ADCY9: variants seen among roughly 807,000 people sequenced by gnomAD.
The protein encoded by ADCY9 is adenylate cyclase 9.
Under a neutral mutation model 101.5 loss-of-function variants are expected in ADCY9, and 50 were observed. That is an observed-to-expected ratio of 0.49 (90% CI 0.39 to 0.62). The LOEUF (loss-of-function observed/expected upper bound fraction) is 0.62, where lower values mean the gene tolerates loss of function less well. Among genes scored for constraint, ADCY9 ranks in the 20% least tolerant of loss-of-function variants. The probability of loss-of-function intolerance (pLI) is 0.00; values close to 1 mark genes in which losing one functional copy is unlikely to be tolerated. For missense variants in ADCY9, 1,662 were observed against 1,800.4 expected, an observed-to-expected ratio of 0.92 and a Z score of 1.39; for synonymous variants, 905 against 769.3, an observed-to-expected ratio of 1.18 and a Z score of -2.92.
intron 2 of ADCY9, among the ~76,000 whole-genome samples, chr16:4,040,243 G>C (rs779204817): frequency 4.1e-4 from 62 of 152,238 alleles, no homozygotes; most frequent in Middle Eastern, 3.4e-3. Flanking sequence ...GAAAAATTCA[G>C]GTGTAGGGAC....
intron 8 of ADCY9, 138 bp from the exon 9 acceptor site, chr16:3,977,768 G>C: frequency 9.1e-7 from 1 of 1,095,234 alleles, no homozygotes; most frequent in Non-Finnish European, 1.3e-6. Context: ...CCAGGCTGGA[G>C]TGCAGTGGTG....
At chr16:4,071,317 G>A (rs1249198817) in intron 2 of ADCY9, among the ~76,000 whole-genome samples, 1 of 85,050 alleles carries the variant, frequency 1.2e-5, no homozygotes. Flanking sequence ...GGCAACAAAA[G>A]CGAAACTCAG....
intron 2 of ADCY9, among the ~76,000 whole-genome samples, chr16:4,056,455 T>A (rs914821205): frequency 1.3e-5 from 2 of 152,208 alleles, no homozygotes; most frequent in Admixed American, 1.3e-4. Context: ...TGTTTCACCA[T>A]GTTGGCCAGG....
intron 2 of ADCY9, among the ~76,000 whole-genome samples, chr16:4,039,960 G>A (rs1443926546): frequency 6.6e-6 from 1 of 152,118 alleles, no homozygotes; most frequent in Non-Finnish European, 1.5e-5. Context: ...GATCACCTGA[G>A]CCCAGGAGGT....
chr16:3,956,488 C>CTTTTTAGCTTTTTTTTTTTTT lies in ADCY9; in HGVS notation c.568-2973_568-2972insAAAAAAAAAAAAAGCTAAAAA, dbSNP rs2055906599. On this transcript the variant is annotated intron_variant, in intron 5 of 5. Transcript: ENST00000576936. ...AAGGACAAGACACCAGCGCAATGAG[C>CTTTTTAGCTTTTTTTTTTTTT]TTTTTTTTTTTTTTTGGGGGGGGAT... Among the ~76,000 whole-genome samples, 11 of 68,794 alleles carry CTTTTTAGCTTTTTTTTTTTTT rather than the reference C, an allele frequency of 1.6e-4. 1 individual carries two copies. The highest frequency in any genetic ancestry group is 7.3e-4 in the African/African-American group (11 of 15,148). The allele number at this position is 68,794 out of a possible 152,430, so 45.1% of individuals were successfully genotyped here.
At chr16:4,027,672 T>A (rs982572979) in intron 2 of ADCY9, among the ~76,000 whole-genome samples, 9 of 151,804 alleles carry the variant, frequency 5.9e-5, no homozygotes, top group Admixed American at 1.3e-4. Context: ...AGCTCAAGAG[T>A]TCGAGACCAG....
intron 2 of ADCY9, among the ~76,000 whole-genome samples, chr16:4,037,398 C>A (rs1420070566): frequency 2.0e-5 from 3 of 152,168 alleles, no homozygotes; most frequent in African/African-American, 7.2e-5. Flanking sequence ...GGGTTTTGTT[C>A]CCCTTGATGG....
At chr16:3,980,279 A>T (rs77965148) in intron 7 of ADCY9, among the ~76,000 whole-genome samples, 1 of 70,626 alleles carries the variant, frequency 1.4e-5, no homozygotes, top group Non-Finnish European at 4.1e-5. Context: ...TGATGTTGAC[A>T]CAATAAAAGT....
chr16:3,965,278 GC>G lies in ADCY9; in HGVS notation c.*496del, dbSNP rs2141669067. On this transcript the variant is annotated 3_prime_UTR_variant, in exon 11 of 11. Coordinates refer to ENST00000294016, the MANE Select transcript of ADCY9 (RefSeq NM_001116.4). ...GATTCATGAATGCAAGTGTGTGTGC[GC>G]ATGTGTGCTTACATAGAGAGGTCGG... The G allele has an allele frequency of 6.1e-6, 1 of 164,934 alleles. No homozygotes were observed. Among genetic ancestry groups the G allele is most frequent in the East Asian group, 1.7e-4 (1 of 5,884 alleles). The allele number at this position is 164,934 out of a possible 1,614,324, so 10.2% of individuals were successfully genotyped here.
intron 3 of ADCY9, among the ~76,000 whole-genome samples, chr16:4,004,815 C>T (rs560079694): frequency 4.6e-5 from 7 of 152,132 alleles, no homozygotes; most frequent in African/African-American, 1.7e-4. Flanking sequence ...CACGGGAAGG[C>T]GTGGTGGAGC....
At chr16:3,986,377 C>T (rs1446408899) in intron 6 of ADCY9, among the ~76,000 whole-genome samples, 1 of 152,178 alleles carries the variant, frequency 6.6e-6, no homozygotes, top group Non-Finnish European at 1.5e-5. Flanking sequence ...CGGTAACAGC[C>T]TCCCACCTGT....
At chr16:4,098,810 T>C (rs2057024841) in intron 2 of ADCY9, among the ~76,000 whole-genome samples, 1 of 152,178 alleles carries the variant, frequency 6.6e-6, no homozygotes, top group Non-Finnish European at 1.5e-5. Context: ...GAGTTGGGCC[T>C]TCTAGAACAT....
chr16:4,041,152 G>C (rs114791675), intron 2 of ADCY9, among the ~76,000 whole-genome samples: 2,627 of 152,230 alleles, frequency 0.017, 77 homozygotes, highest in African/African-American at 0.059. Flanking sequence ...ATAGAGCAAG[G>C]AAGCCACTCC....
chr16:4,037,299 C>T (rs2056596613), intron 2 of ADCY9, among the ~76,000 whole-genome samples: 1 of 152,128 alleles, frequency 6.6e-6, no homozygotes, highest in Admixed American at 6.5e-5. Context: ...ACCTGGGCAA[C>T]AGAGCAAGAC....
chr16:4,051,448 C>T (rs975148809), intron 2 of ADCY9, among the ~76,000 whole-genome samples: 3 of 151,598 alleles, frequency 2.0e-5, no homozygotes, highest in Non-Finnish European at 2.9e-5. Flanking sequence ...GGCGTGAACC[C>T]GGGAGGCGGA....
intron 2 of ADCY9, among the ~76,000 whole-genome samples, chr16:4,078,254 G>A (rs1485537603): frequency 2.0e-5 from 3 of 152,112 alleles, no homozygotes; most frequent in African/African-American, 7.2e-5. Context: ...CTGATAAACT[G>A]ATTTTTTAAA....
intron 10 of ADCY9, among the ~76,000 whole-genome samples, chr16:3,973,377 T>C (rs1400958617): frequency 6.6e-6 from 1 of 152,108 alleles, no homozygotes; most frequent in African/African-American, 2.4e-5. Flanking sequence ...CAGCTAATTT[T>C]TGTATTTTTA....
At chr16:3,995,238 G>C (rs1232095965) in intron 3 of ADCY9, among the ~76,000 whole-genome samples, 2 of 151,996 alleles carry the variant, frequency 1.3e-5, no homozygotes, top group African/African-American at 4.8e-5. Context: ...GGCCAGCCTG[G>C]GCAACATGGC....
At chr16:3,997,064 C>T (rs896816205) in intron 3 of ADCY9, among the ~76,000 whole-genome samples, 3 of 152,110 alleles carry the variant, frequency 2.0e-5, no homozygotes, top group Non-Finnish European at 4.4e-5. Context: ...GGGGTTTCAC[C>T]ACGTTGGTCA....
Sources: allele counts gnomAD v4.1 joint callset (sites outside exome capture counted in the v4.1 genomes callset), GRCh38; gene constraint gnomAD v4.1.1; transcripts MANE v1.5; gene names NCBI Gene and HGNC (gene_info 2026-07-23, HGNC 2026-07-21).